The following TMLHE variants were observed in gnomAD, a reference collection of about 807,000 sequenced individuals.
TMLHE encodes trimethyllysine hydroxylase, epsilon.
TMLHE carries 18 observed loss-of-function variants against 25.7 expected under a neutral mutation model. That is an observed-to-expected ratio of 0.70 (90% CI 0.48 to 1.04). The LOEUF is 1.04. Ranked by LOEUF, TMLHE falls within the 50% of genes least tolerant of loss-of-function variation. The pLI is 0.00. For missense variants in TMLHE, 236 were observed against 259.0 expected, an observed-to-expected ratio of 0.91 and a Z score of 0.61; for synonymous variants, 105 against 97.0, an observed-to-expected ratio of 1.08 and a Z score of -0.49.
In TMLHE at chrX:155,518,392, C is replaced by G. The variant is rs1466019943; in HGVS notation, c.359-4127G>C. Among the ~76,000 whole-genome samples, 17 of 95,578 alleles carry G rather than the reference C, an allele frequency of 1.8e-4. No homozygotes were observed. In the Admixed American group the frequency reaches 2.0e-3, roughly 11 times the overall value. The allele number at this position is 95,578 out of a possible 115,157, so 83.0% of individuals were successfully genotyped here. On this transcript the variant is annotated intron_variant, in intron 3 of 7. Transcript: ENST00000334398. ...AGCCCACTTGCTCATGGTGGAAAAG[C>G]TTTTTGATGTGCTGCTGGATTCGGT... is the stretch of plus-strand genomic sequence containing the variant.
chrX:155,547,935 A>G (rs1557339117), intron 1 of TMLHE, among the ~76,000 whole-genome samples: 1 of 111,279 alleles, frequency 9.0e-6, no homozygotes, highest in Non-Finnish European at 1.9e-5. Context: ...TTTAAACCAT[A>G]AAGAATGGTA....
At chrX:155,512,732 C>G (rs2067126054) in intron 4 of TMLHE, among the ~76,000 whole-genome samples, 1 of 111,395 alleles carries the variant, frequency 9.0e-6, no homozygotes, top group Non-Finnish European at 1.9e-5. Flanking sequence ...TTATAAGACA[C>G]AGAAGTGATT....
chrX:155,567,882 C>T lies in TMLHE; in HGVS notation c.-1-22605G>A, dbSNP rs1557342284. Among the ~76,000 whole-genome samples the T allele has an allele frequency of 3.2e-5, 2 of 61,925 alleles. 1 individual carries two copies. Among genetic ancestry groups the T allele is most frequent in the African/African-American group, 7.2e-5 (2 of 27,861 alleles). 53.8% of individuals were successfully genotyped at this position (61,925 alleles called of 115,157 possible). On this transcript the variant is annotated intron_variant, in intron 1 of 7. Coordinates refer to ENST00000334398, the MANE Select transcript of TMLHE (RefSeq NM_018196.4). ...CAAGATGGCCGAATAGGAACAGCTCCAGTCTACAGCTCCCAGCGTGAGCAA... is the reference window on the plus strand; with the variant it reads ...CAAGATGGCCGAATAGGAACAGCTCTAGTCTACAGCTCCCAGCGTGAGCAA...
chrX:155,542,901 C>T (rs2067321209), intron 2 of TMLHE, among the ~76,000 whole-genome samples: 1 of 110,029 alleles, frequency 9.1e-6, no homozygotes, highest in Admixed American at 9.7e-5. Context: ...ATATAATATG[C>T]CCATGTGTGA....
At chrX:155,569,240 A>G (rs1278656449) in intron 1 of TMLHE, among the ~76,000 whole-genome samples, 22 of 54,721 alleles carry the variant, frequency 4.0e-4, no homozygotes, top group South Asian at 2.1e-3. Context: ...TATCAGTGAT[A>G]GAAGATGAAA....
At chrX:155,576,207 C>T (rs1488197585) in intron 1 of TMLHE, among the ~76,000 whole-genome samples, 1 of 111,532 alleles carries the variant, frequency 9.0e-6, no homozygotes, top group African/African-American at 3.3e-5. Context: ...CATTTCTATA[C>T]ACCAACAACA....
chrX:155,602,020 C>A (rs1010958593), intron 1 of TMLHE, among the ~76,000 whole-genome samples: 4 of 110,633 alleles, frequency 3.6e-5, no homozygotes, highest in South Asian at 3.8e-4. Flanking sequence ...CATCTGACAA[C>A]AAAACTCTCC....
intron 1 of TMLHE, among the ~76,000 whole-genome samples, chrX:155,590,258 G>A (rs964695522): frequency 8.9e-6 from 1 of 111,746 alleles, no homozygotes; most frequent in Non-Finnish European, 1.9e-5. Flanking sequence ...AAAGTGTATG[G>A]TTGGTCTTAC....
At chrX:155,610,535 C>G (rs1557348217) in intron 1 of TMLHE, among the ~76,000 whole-genome samples, 1 of 111,736 alleles carries the variant, frequency 8.9e-6, no homozygotes, top group Non-Finnish European at 1.9e-5. Flanking sequence ...GAACTTTCAT[C>G]TCCTTACTTT....
intron 1 of TMLHE, among the ~76,000 whole-genome samples, chrX:155,581,439 C>A (rs1179763797): frequency 1.8e-5 from 2 of 111,795 alleles, no homozygotes; most frequent in African/African-American, 6.5e-5. Flanking sequence ...GTCTCAGCCC[C>A]AAATCTCCTT....
intron 2 of TMLHE, among the ~76,000 whole-genome samples, chrX:155,537,881 A>G (rs868975343): frequency 9.0e-6 from 1 of 111,675 alleles, no homozygotes; most frequent in Non-Finnish European, 1.9e-5. Flanking sequence ...GTGTTTTGTT[A>G]TCTTGTAAAC....
At chrX:155,598,583 A>G (rs1557346834) in intron 1 of TMLHE, among the ~76,000 whole-genome samples, 1 of 106,823 alleles carries the variant, frequency 9.4e-6, no homozygotes, top group East Asian at 3.0e-4. Flanking sequence ...GGATAGCATT[A>G]GGAGATATAC....
intron 3 of TMLHE, among the ~76,000 whole-genome samples, chrX:155,523,394 G>A (rs5983715): frequency 1.4e-3 from 154 of 110,633 alleles, no homozygotes; most frequent in African/African-American, 4.9e-3. Context: ...CATTATGGAT[G>A]TCCAATTGCT....
chrX:155,592,552 G>T (rs1392731960), intron 1 of TMLHE, among the ~76,000 whole-genome samples: 2 of 111,821 alleles, frequency 1.8e-5, no homozygotes, highest in African/African-American at 6.5e-5. Context: ...CAGTTCTCCT[G>T]GGCTTACAGT....
chrX:155,514,331 A>G, intron 3 of TMLHE, 66 bp from the exon 4 acceptor site: 1 of 1,068,297 alleles, frequency 9.4e-7, no homozygotes, highest in East Asian at 3.0e-5. Flanking sequence ...GTAATTGGTT[A>G]CAACTAGTTA....
At chrX:155,515,314 C>A (rs782202540) in intron 3 of TMLHE, among the ~76,000 whole-genome samples, 3 of 110,405 alleles carry the variant, frequency 2.7e-5, no homozygotes, top group East Asian at 2.8e-4. Flanking sequence ...AAAAATTCAA[C>A]CTTCATTAAA....
At chrX:155,599,134 G>A (rs1284010656) in intron 1 of TMLHE, among the ~76,000 whole-genome samples, 5 of 111,783 alleles carry the variant, frequency 4.5e-5, no homozygotes, top group African/African-American at 1.3e-4. Context: ...TCAATAGTAG[G>A]CTATTAGTAG....
At chrX:155,530,695 C>A (rs1207055243) in intron 2 of TMLHE, among the ~76,000 whole-genome samples, 1 of 112,144 alleles carries the variant, frequency 8.9e-6, no homozygotes, top group Non-Finnish European at 1.9e-5. Context: ...AATGCAATTT[C>A]TTTTAAAAAG....
intron 1 of TMLHE, among the ~76,000 whole-genome samples, chrX:155,598,469 G>A (rs1346810958): frequency 3.0e-5 from 3 of 100,721 alleles, no homozygotes; most frequent in Admixed American, 1.1e-4. Context: ...ACCAAACACC[G>A]CATGTTCTCA....
Sources: allele counts gnomAD v4.1 joint callset (sites outside exome capture counted in the v4.1 genomes callset), GRCh38; gene constraint gnomAD v4.1.1; transcripts MANE v1.5; gene names NCBI Gene and HGNC (gene_info 2026-07-23, HGNC 2026-07-21).